Variants in PSD3 observed in about 807,000 individuals in gnomAD.
PSD3 encodes PH and SEC7 domain-containing protein 3.
In PSD3, 49 loss-of-function variants were observed where a neutral mutation model predicts 105.5. That is an observed-to-expected ratio of 0.46 (90% CI 0.37 to 0.59). The LOEUF (loss-of-function observed/expected upper bound fraction) is 0.59. Among genes scored for constraint, PSD3 ranks in the 20% least tolerant of loss-of-function variants. The pLI is 0.00. For missense variants in PSD3, 1,561 were observed against 1,263.8 expected (o/e 1.24, Z -3.57); for synonymous variants, 557 against 457.8 (o/e 1.22, Z -2.77).
chr8:19,084,378 G>A (rs572010267), exon 1 of PSD3: 14 of 456,116 alleles, frequency 3.1e-5, no homozygotes, highest in South Asian at 1.9e-4. Flanking sequence ...AGTCCTTTCC[G>A]CTCCATCTGC....
intron 12 of PSD3, among the ~76,000 whole-genome samples, chr8:18,588,589 T>C (rs2130473292): frequency 6.6e-6 from 1 of 152,332 alleles, no homozygotes; most frequent in Admixed American, 6.5e-5. Context: ...ATAATTTCCT[T>C]ACTGCCAGGC....
intron 10 of PSD3, among the ~76,000 whole-genome samples, chr8:18,646,214 T>C (rs1411714627): frequency 6.6e-6 from 1 of 152,108 alleles, no homozygotes; most frequent in African/African-American, 2.4e-5. Flanking sequence ...TGAAAATTAC[T>C]TTCATTTTAA....
intron 2 of PSD3, among the ~76,000 whole-genome samples, chr8:18,909,197 G>T (rs1188390569): frequency 6.6e-6 from 1 of 152,144 alleles, no homozygotes; most frequent in East Asian, 1.9e-4. Flanking sequence ...ATTTGCTTGG[G>T]TTTCCCTAAA....
At chr8:18,751,264 C>A (rs868360854) in intron 9 of PSD3, among the ~76,000 whole-genome samples, 27 of 152,318 alleles carry the variant, frequency 1.8e-4, no homozygotes, top group Middle Eastern at 3.4e-3. Flanking sequence ...CCCAGTACAC[C>A]CTCCGCAGCC....
Position 18,891,759 on chromosome 8 carries a change from TC to T in PSD3, c.131-19027del, listed in dbSNP as rs1818795218. Among the ~76,000 whole-genome samples the T allele has an allele frequency of 2.0e-5, 3 of 152,214 alleles. No homozygotes were observed. The South Asian group carries it at 6.2e-4, about 32-fold the overall frequency. On this transcript the variant is annotated intron_variant, in intron 2 of 15. Transcript: ENST00000327040. ...AGTTATTTCAAGCTCATATGTTTTCTCCAAAGAATTCTTTGTTAATCAAAAT... is the reference window on the plus strand; with the variant it reads ...AGTTATTTCAAGCTCATATGTTTTCTCAAAGAATTCTTTGTTAATCAAAAT...
chr8:18,858,838 G>A (rs1336813557), intron 4 of PSD3, among the ~76,000 whole-genome samples: 2 of 152,072 alleles, frequency 1.3e-5, no homozygotes, highest in Non-Finnish European at 2.9e-5. Context: ...TTAATCTACT[G>A]GAAGTTTCAA....
chr8:18,987,763 T>C (rs1825583574), intron 1 of PSD3, among the ~76,000 whole-genome samples: 1 of 152,004 alleles, frequency 6.6e-6, no homozygotes, highest in African/African-American at 2.4e-5. Context: ...CAGTGAGCCG[T>C]GACTGCATCA....
chr8:18,931,570 CT>C (rs1219454124), intron 2 of PSD3, among the ~76,000 whole-genome samples: 1 of 152,186 alleles, frequency 6.6e-6, no homozygotes, highest in African/African-American at 2.4e-5. Context: ...CAACTAAGCT[CT>C]CACTACACAA....
chr8:18,953,749 A>G (rs1420966036), intron 1 of PSD3, among the ~76,000 whole-genome samples: 1 of 131,836 alleles, frequency 7.6e-6, no homozygotes, highest in African/African-American at 2.7e-5. Flanking sequence ...TCCATCTCAA[A>G]AAAGAAAAGA....
intron 8 of PSD3, among the ~76,000 whole-genome samples, chr8:18,772,862 C>T (rs548923931): frequency 1.3e-5 from 2 of 152,132 alleles, no homozygotes; most frequent in African/African-American, 2.4e-5. Context: ...AAGTATTTTT[C>T]CCCTTTTAAA....
intron 10 of PSD3, among the ~76,000 whole-genome samples, chr8:18,645,277 A>C (rs190433171): frequency 4.9e-4 from 75 of 152,320 alleles, no homozygotes; most frequent in African/African-American, 1.7e-3. Context: ...TCCTTTAAAT[A>C]CCAAAATCCA....
At chr8:18,698,695 C>T (rs1801402289) in intron 9 of PSD3, among the ~76,000 whole-genome samples, 1 of 152,114 alleles carries the variant, frequency 6.6e-6, no homozygotes, top group African/African-American at 2.4e-5. Context: ...GATACAGTAG[C>T]AATAGCAAAC....
At chr8:18,673,684 T>C (rs1294037788) in intron 9 of PSD3, among the ~76,000 whole-genome samples, 2 of 152,240 alleles carry the variant, frequency 1.3e-5, no homozygotes, top group Admixed American at 1.3e-4. Context: ...AAAAAGTACA[T>C]GAGAAAGTAG....
intron 9 of PSD3, among the ~76,000 whole-genome samples, chr8:18,745,228 A>C (rs1804911371): frequency 1.3e-5 from 2 of 152,196 alleles, no homozygotes; most frequent in South Asian, 4.1e-4. Flanking sequence ...TTTCTTCCCT[A>C]ACTTTCATCT....
chr8:18,988,004 C>T (rs78326025), intron 1 of PSD3, among the ~76,000 whole-genome samples: 16,660 of 150,508 alleles, frequency 0.11, 1,108 homozygotes, highest in Non-Finnish European at 0.16. Context: ...GCAATAACAC[C>T]GAACAAAACA....
intron 2 of PSD3, among the ~76,000 whole-genome samples, chr8:18,901,434 T>C (rs142756803): frequency 1.3e-5 from 2 of 152,316 alleles, no homozygotes; most frequent in South Asian, 2.1e-4. Flanking sequence ...AAGGGTATTA[T>C]TGATAGGCGA....
At chr8:18,605,799 T>A (rs577408770) in intron 11 of PSD3, among the ~76,000 whole-genome samples, 165 of 152,270 alleles carry the variant, frequency 1.1e-3, no homozygotes, top group African/African-American at 3.9e-3. Context: ...TGAGTGCTCA[T>A]GAGATCTGGT....
intron 1 of PSD3, among the ~76,000 whole-genome samples, chr8:18,947,884 C>G (rs769400647): frequency 6.6e-6 from 1 of 152,114 alleles, no homozygotes; most frequent in Non-Finnish European, 1.5e-5. Flanking sequence ...GGTACACATT[C>G]ATTTGTAATA....
intron 9 of PSD3, among the ~76,000 whole-genome samples, chr8:18,718,810 G>A (rs141750850): frequency 3.0e-4 from 45 of 152,146 alleles, no homozygotes; most frequent in African/African-American, 9.6e-4. Flanking sequence ...TTTGAAAGTC[G>A]TTTGGTGCAA....
Sources: gnomAD v4.1 joint callset for allele counts (sites outside exome capture counted in the v4.1 genomes callset) on GRCh38, gnomAD v4.1.1 for gene constraint, MANE v1.5 for transcripts, NCBI Gene and HGNC (gene_info 2026-07-23, HGNC 2026-07-21) for gene names.